Variants in WDR7 observed in about 807,000 individuals in gnomAD.
WDR7 encodes WD repeat-containing protein 7.
In WDR7, 46 loss-of-function variants were observed where a neutral mutation model predicts 169.4. The ratio of observed to expected loss-of-function variants is 0.27; its 90% confidence interval spans 0.21 to 0.35. The LOEUF (loss-of-function observed/expected upper bound fraction) is 0.35. WDR7 is among the 10% of genes least tolerant of loss of function. The pLI, the probability that WDR7 is intolerant of heterozygous loss-of-function variation, is 1.00. For missense variants in WDR7, 1,534 were observed against 1,859.3 expected, an observed-to-expected ratio of 0.83 and a Z score of 3.22; for synonymous variants, 612 against 666.8, an observed-to-expected ratio of 0.92 and a Z score of 1.27.
intron 5 of WDR7, among the ~76,000 whole-genome samples, chr18:56,684,616 G>C (rs2025409386): frequency 6.6e-6 from 1 of 152,172 alleles, no homozygotes. Flanking sequence ...GAGATTAGTT[G>C]CCCAGCTGAG....
At chr18:56,789,175 C>A (rs2044447011) in intron 19 of WDR7, among the ~76,000 whole-genome samples, 1 of 152,194 alleles carries the variant, frequency 6.6e-6, no homozygotes, top group African/African-American at 2.4e-5. Flanking sequence ...TCATGACTAT[C>A]TAAAAGGGAA....
At chr18:56,852,369 G>A (rs2045653894) in intron 20 of WDR7, among the ~76,000 whole-genome samples, 1 of 152,148 alleles carries the variant, frequency 6.6e-6, no homozygotes, top group Non-Finnish European at 1.5e-5. Context: ...GTGAAGTTCT[G>A]TCATATAATG....
chr18:56,673,801 G>C (rs1294782401), intron 2 of WDR7, among the ~76,000 whole-genome samples: 1 of 151,688 alleles, frequency 6.6e-6, no homozygotes, highest in East Asian at 1.9e-4. Flanking sequence ...TCCAGCCTGG[G>C]CAATGGGAGT....
chr18:56,757,394 A>G, intron 15 of WDR7, 42 bp downstream of exon 15: 5 of 1,488,386 alleles, frequency 3.4e-6, no homozygotes, highest in Non-Finnish European at 4.5e-6. Context: ...AGTTTCAAAA[A>G]AAGAAACCTG....
intron 20 of WDR7, among the ~76,000 whole-genome samples, chr18:56,817,035 G>GA (rs1293643809): frequency 1.3e-5 from 2 of 151,910 alleles, no homozygotes; most frequent in Non-Finnish European, 2.9e-5. Flanking sequence ...GAAAATAACA[G>GA]AAAATTTTTA....
chr18:56,784,701 A>G (rs1439700659), intron 19 of WDR7, among the ~76,000 whole-genome samples: 4 of 152,132 alleles, frequency 2.6e-5, no homozygotes, highest in Non-Finnish European at 5.9e-5. Flanking sequence ...TTGTAAGAAA[A>G]TGACTCTTTG....
intron 17 of WDR7, among the ~76,000 whole-genome samples, chr18:56,777,839 C>T (rs1030079188): frequency 2.6e-5 from 4 of 152,064 alleles, no homozygotes; most frequent in African/African-American, 9.7e-5. Context: ...TTTTGGTTTC[C>T]TTGTCATAGA....
At chr18:56,733,231 G>A (rs557911249) in intron 14 of WDR7, among the ~76,000 whole-genome samples, 1 of 152,216 alleles carries the variant, frequency 6.6e-6, no homozygotes, top group South Asian at 2.1e-4. Flanking sequence ...ATTATAGAAG[G>A]GAGGAAAAAG....
chr18:56,882,352 A>G (rs1302957169), intron 21 of WDR7, among the ~76,000 whole-genome samples: 2 of 152,222 alleles, frequency 1.3e-5, no homozygotes, highest in East Asian at 3.8e-4. Flanking sequence ...TTTTTGCTCA[A>G]TAACTCCCTG....
At chr18:56,824,812 G>T (rs949493358) in intron 20 of WDR7, among the ~76,000 whole-genome samples, 3 of 152,118 alleles carry the variant, frequency 2.0e-5, no homozygotes, top group Admixed American at 1.3e-4. Context: ...AAAATAATAC[G>T]TGTTCAAAAT....
At chr18:56,879,865 G>A (rs2046080257) in intron 20 of WDR7, 79 bp from the exon 21 acceptor site, 8 of 1,190,260 alleles carry the variant, frequency 6.7e-6, no homozygotes, top group Non-Finnish European at 8.5e-6. Flanking sequence ...CGAACGTGCA[G>A]TCCTGAATGT....
intron 26 of WDR7, among the ~76,000 whole-genome samples, chr18:56,998,733 T>C (rs1230245691): frequency 6.6e-6 from 1 of 152,210 alleles, no homozygotes; most frequent in African/African-American, 2.4e-5. Flanking sequence ...ATTGTGTACA[T>C]AGAATGTCAT....
At chr18:56,833,571 ATGTC>A (rs1296714925) in intron 20 of WDR7, among the ~76,000 whole-genome samples, 1 of 152,226 alleles carries the variant, frequency 6.6e-6, no homozygotes, top group Non-Finnish European at 1.5e-5. Flanking sequence ...AATAAAATGA[ATGTC>A]TGCGTTACAA....
chr18:56,954,244 G>A (rs539296755), intron 25 of WDR7, among the ~76,000 whole-genome samples: 6 of 152,100 alleles, frequency 3.9e-5, no homozygotes, highest in Admixed American at 1.3e-4. Flanking sequence ...GACCTTTGTC[G>A]GAAGTTATGT....
intron 26 of WDR7, among the ~76,000 whole-genome samples, chr18:56,971,330 C>T (rs529553207): frequency 4.1e-4 from 61 of 150,152 alleles, no homozygotes; most frequent in Middle Eastern, 3.5e-3. Flanking sequence ...TGTTTTGCCT[C>T]CTGTATTTGT....
intron 22 of WDR7, among the ~76,000 whole-genome samples, chr18:56,934,046 G>T (rs193045480): frequency 6.6e-6 from 1 of 152,252 alleles, no homozygotes; most frequent in African/African-American, 2.4e-5. Context: ...TTCATTTTGT[G>T]TAGAATTATT....
chr18:56,992,649 A>T (rs2047835405), intron 26 of WDR7, among the ~76,000 whole-genome samples: 1 of 152,206 alleles, frequency 6.6e-6, no homozygotes, highest in Non-Finnish European at 1.5e-5. Flanking sequence ...CAGGTAAAAG[A>T]TAGTAATTAT....
chr18:56,931,294 G>C (rs2046880940), intron 22 of WDR7, among the ~76,000 whole-genome samples: 1 of 152,166 alleles, frequency 6.6e-6, no homozygotes, highest in Non-Finnish European at 1.5e-5. Flanking sequence ...ACCTCTGATA[G>C]TATGGTCCTT....
intron 16 of WDR7, among the ~76,000 whole-genome samples, chr18:56,760,971 C>CA (rs2043972305): frequency 2.0e-5 from 3 of 152,232 alleles, no homozygotes; most frequent in Admixed American, 6.5e-5. Context: ...TGTTTAAACA[C>CA]ATTTTATATG....
Sources: allele counts gnomAD v4.1 joint callset (sites outside exome capture counted in the v4.1 genomes callset), GRCh38; gene constraint gnomAD v4.1.1; transcripts MANE v1.5; gene names NCBI Gene and HGNC (gene_info 2026-07-23, HGNC 2026-07-21).